Variants in MTREX observed in about 807,000 individuals in gnomAD.
MTREX encodes the protein exosome RNA helicase MTR4.
A neutral mutation model predicts 135.4 loss-of-function variants in MTREX; 76 were observed. That is an observed-to-expected ratio of 0.56 (90% CI 0.47 to 0.68). The LOEUF is 0.68. MTREX is among the 30% of genes least tolerant of loss of function. MTREX has a pLI of 0.00. For synonymous variants in MTREX, 404 were observed against 401.6 expected, an observed-to-expected ratio of 1.01 and a Z score of -0.07; for missense variants, 920 against 1,262.1, an observed-to-expected ratio of 0.73 and a Z score of 4.11.
At chr5:55,363,333 C>T (rs1333570322) in intron 15 of MTREX, among the ~76,000 whole-genome samples, 2 of 152,016 alleles carry the variant, frequency 1.3e-5, no homozygotes, top group East Asian at 3.9e-4. Context: ...ACCATATATT[C>T]TAAAATGTAA....
chr5:55,365,629 G>T (rs565784352), intron 15 of MTREX, among the ~76,000 whole-genome samples: 1 of 152,136 alleles, frequency 6.6e-6, no homozygotes, highest in East Asian at 1.9e-4. Context: ...TGTATCGTCC[G>T]AGAATTTGGT....
At chr5:55,333,079 A>G (rs1013626562) in intron 5 of MTREX, among the ~76,000 whole-genome samples, 8 of 151,832 alleles carry the variant, frequency 5.3e-5, no homozygotes, top group Non-Finnish European at 1.0e-4. Context: ...TTGGGTGCTG[A>G]ATAATTTTGT....
rs1286362697 is a variant in MTREX, at chr5:55,340,115, A to G, written c.621A>G (p.Gln207=). Residue 207 remains glutamine, a synonymous_variant, in exon 6 of 27, where the codon CAA becomes CAG. Transcript: ENST00000230640. ...QKYREMYEEF[Q]DVGLMTGDVT... ...ACCGTGAAATGTATGAAGAATTTCA[A>G]GATGTTGGTTTGATGACTGGTGATG... is the stretch of plus-strand genomic sequence containing the variant. 2 of 1,605,076 alleles carry G rather than the reference A, an allele frequency of 1.2e-6. No homozygotes were observed. Among genetic ancestry groups the G allele is most frequent in the Non-Finnish European group, 1.7e-6 (2 of 1,175,784 alleles).
At chr5:55,408,925 ATTT>A (rs1287275640) in intron 22 of MTREX, among the ~76,000 whole-genome samples, 1 of 3,234 alleles carries the variant, frequency 3.1e-4, no homozygotes, top group Non-Finnish European at 1.4e-3. Context: ...ATTTTTATTT[ATTT>A]ATTTATTTAT....
intron 16 of MTREX, among the ~76,000 whole-genome samples, chr5:55,377,252 G>A (rs1750319586): frequency 6.6e-6 from 1 of 152,070 alleles, no homozygotes; most frequent in East Asian, 1.9e-4. Context: ...GTGTGAACCC[G>A]GGAGGCAGAT....
intron 1 of MTREX, among the ~76,000 whole-genome samples, chr5:55,314,222 C>T (rs957823326): frequency 6.6e-6 from 1 of 152,222 alleles, no homozygotes; most frequent in Non-Finnish European, 1.5e-5. Context: ...CCAAATTCCT[C>T]TCCACAGGAG....
chr5:55,425,235 T>A lies in MTREX; in HGVS notation c.*463T>A, dbSNP rs200684737. The A allele has an allele frequency of 6.2e-5, 100 of 1,613,878 alleles. No individual in the cohort carries two copies. Among genetic ancestry groups the A allele is most frequent in the Non-Finnish European group, 8.1e-5 (96 of 1,179,964 alleles). ...GGCTGGTGATTGCTCGGATAGTGAT[T>A]CCCAGTTGTTGGTGTTTCATGCAGA... On this transcript the variant is annotated 3_prime_UTR_variant, in exon 27 of 27. Coordinates refer to ENST00000230640, the MANE Select transcript of MTREX (RefSeq NM_015360.5).
chr5:55,405,484 A>G lies in MTREX; in HGVS notation c.2541A>G (p.Gln847=), dbSNP rs143913323. 15 of 1,613,894 alleles carry G rather than the reference A, an allele frequency of 9.3e-6. No individual in the cohort carries two copies. The highest frequency in any genetic ancestry group is 1.1e-5 in the Non-Finnish European group (13 of 1,179,898). Residue 847 remains glutamine, a synonymous_variant, in exon 22 of 27, where the codon CAA becomes CAG. Coordinates refer to ENST00000230640, the MANE Select transcript of MTREX (RefSeq NM_015360.5). ...RELKKARTVL[Q]MDELKCRKRV... ...TGAAGAAAGCAAGAACAGTCCTACA[A>G]ATGGATGAACTCAAATGTCGCAAAC...
At chr5:55,315,698 G>T (rs1436880562) in intron 1 of MTREX, among the ~76,000 whole-genome samples, 2 of 151,884 alleles carry the variant, frequency 1.3e-5, no homozygotes, top group Non-Finnish European at 2.9e-5. Flanking sequence ...TAAGAAGGTG[G>T]TTGTTCTACA....
chr5:55,336,160 T>C (rs1749549332), intron 5 of MTREX, among the ~76,000 whole-genome samples: 1 of 152,196 alleles, frequency 6.6e-6, no homozygotes. Flanking sequence ...CCATAAGACT[T>C]TCTATATAGA....
At chr5:55,346,470 A>G (rs1287066755) in intron 10 of MTREX, among the ~76,000 whole-genome samples, 1 of 152,070 alleles carries the variant, frequency 6.6e-6, no homozygotes, top group Non-Finnish European at 1.5e-5. Context: ...GATGGATCTA[A>G]TTTTTTCACA....
At chr5:55,330,537 G>A (rs1305568184) in intron 5 of MTREX, among the ~76,000 whole-genome samples, 1 of 151,860 alleles carries the variant, frequency 6.6e-6, no homozygotes, top group East Asian at 1.9e-4. Context: ...TTACAAAAAC[G>A]TTAAATGTCC....
At chr5:55,366,065 A>T (rs1750099170) in intron 15 of MTREX, among the ~76,000 whole-genome samples, 1 of 152,142 alleles carries the variant, frequency 6.6e-6, no homozygotes, top group South Asian at 2.1e-4. Context: ...TTTTGGGTAT[A>T]AACCTTGTGA....
At chr5:55,346,483 T>C (rs760161682) in intron 10 of MTREX, among the ~76,000 whole-genome samples, 1 of 152,220 alleles carries the variant, frequency 6.6e-6, no homozygotes, top group African/African-American at 2.4e-5. Flanking sequence ...TTTTCACATA[T>C]AATTTTTCCA....
Position 55,415,957 on chromosome 5 carries a change from T to G in MTREX, c.2809-13T>G. The stretch of plus-strand genomic sequence containing the variant: ...ATCATAAGTAAGGAATTTTAACTCT[T>G]TTATCTTTAAAGGAATGTGCTAAAA... On this transcript the variant is annotated splice_polypyrimidine_tract_variant and intron_variant, in intron 24 of 26. Coordinates refer to ENST00000230640, the MANE Select transcript of MTREX (RefSeq NM_015360.5). 1 of 1,567,608 alleles carries G rather than the reference T, an allele frequency of 6.4e-7. No homozygotes were observed. The highest frequency in any genetic ancestry group is 8.6e-7 in the Non-Finnish European group (1 of 1,161,170).
intron 20 of MTREX, among the ~76,000 whole-genome samples, chr5:55,398,167 G>A (rs530190417): frequency 5.1e-4 from 77 of 152,074 alleles, no homozygotes; most frequent in Middle Eastern, 6.8e-3. Flanking sequence ...GATCCCAGGA[G>A]TTCCAGGCTC....
chr5:55,322,551 A>G, intron 2 of MTREX, 87 bp downstream of exon 2: 2 of 932,052 alleles, frequency 2.1e-6, no homozygotes, highest in Non-Finnish European at 3.2e-6. Context: ...GTTGCTACTT[A>G]GATATATGCC....
At chr5:55,367,845 T>C (rs998717144) in intron 16 of MTREX, among the ~76,000 whole-genome samples, 4 of 152,216 alleles carry the variant, frequency 2.6e-5, no homozygotes, top group Admixed American at 2.6e-4. Context: ...TGGATAAATC[T>C]TATAAAAATA....
intron 19 of MTREX, among the ~76,000 whole-genome samples, chr5:55,391,468 TA>T: frequency 6.6e-6 from 1 of 152,026 alleles, no homozygotes; most frequent in East Asian, 1.9e-4. Flanking sequence ...TCTCTTTGTC[TA>T]AAAAAACATA....
Sources: gnomAD v4.1 joint callset for allele counts (sites outside exome capture counted in the v4.1 genomes callset) on GRCh38, gnomAD v4.1.1 for gene constraint, MANE v1.5 for transcripts, NCBI Gene and HGNC (gene_info 2026-07-23, HGNC 2026-07-21) for gene names.